HS3ST4: variants seen among roughly 807,000 people sequenced by gnomAD.
HS3ST4 encodes the protein heparan sulfate glucosamine 3-O-sulfotransferase 4.
In HS3ST4, 17 loss-of-function variants were observed where a neutral mutation model predicts 29.2. That is an observed-to-expected ratio of 0.58 (90% confidence interval 0.40 to 0.87). HS3ST4 has a LOEUF of 0.87. Ranked by LOEUF, HS3ST4 falls within the 40% of genes least tolerant of loss-of-function variation. HS3ST4 has a pLI of 0.00. For synonymous variants in HS3ST4, 314 were observed against 285.7 expected (o/e 1.10, Z -1.00); for missense variants, 627 against 634.5 (o/e 0.99, Z 0.13).
chr16:25,950,210 C>CCAT (rs2141696678), intron 1 of HS3ST4, among the ~76,000 whole-genome samples: 1 of 152,172 alleles, frequency 6.6e-6, no homozygotes, highest in East Asian at 1.9e-4. Flanking sequence ...GTTAGATGAC[C>CCAT]CATCTGCTCA....
chr16:25,845,461 A>T (rs1967455704), intron 1 of HS3ST4, among the ~76,000 whole-genome samples: 2 of 152,158 alleles, frequency 1.3e-5, no homozygotes, highest in Admixed American at 1.3e-4. Context: ...GTGAGCTGAG[A>T]TCGTGCCACT....
At position 25,692,508 on chromosome 16, in the gene HS3ST4, C is replaced by T; in HGVS notation, c.91C>T (p.Pro31Ser). 7.0e-7 allele frequency: 1 copy of T among 1,419,346 alleles called. No homozygotes were observed. Among genetic ancestry groups the T allele is most frequent in the Admixed American group, 2.4e-5 (1 of 41,796 alleles). 87.9% of individuals were successfully genotyped at this position (1,419,346 alleles called of 1,614,324 possible). A position where few individuals can be genotyped will look rare whatever the true frequency, so the allele number is the denominator to read the frequency against. The change falls in exon 1 of 2, where the codon CCG becomes TCG. Residue 31 changes from proline (P) to serine (S), a missense_variant. By Grantham distance (74) the Pro-to-Ser change is moderately conservative (BLOSUM62 -1). Coordinates refer to ENST00000331351, the MANE Select transcript of HS3ST4 (RefSeq NM_006040.3). ...PPPGASAKGPPARKLLFMCTL... is the reference protein window; with the variant it reads ...PPPGASAKGPSARKLLFMCTL... ...GCCCGGCGCCTCTGCTAAGGGGCCG[C>T]CGGCGCGCAAGCTGCTTTTTATGTG...
chr16:25,740,837 CCTAATTA>C (rs1272578597), intron 1 of HS3ST4, among the ~76,000 whole-genome samples: 1 of 152,066 alleles, frequency 6.6e-6, no homozygotes, highest in Admixed American at 6.6e-5. Context: ...AACTCACATT[CCTAATTA>C]CTAAGTGGAT....
chr16:25,947,037 A>AATGG (rs1968633146), intron 1 of HS3ST4, among the ~76,000 whole-genome samples: 1 of 152,178 alleles, frequency 6.6e-6, no homozygotes, highest in Non-Finnish European at 1.5e-5. Flanking sequence ...TCCTAAAAAC[A>AATGG]ATGGAATACA....
intron 1 of HS3ST4, among the ~76,000 whole-genome samples, chr16:25,938,291 C>T (rs1968537313): frequency 6.6e-6 from 1 of 152,140 alleles, no homozygotes; most frequent in Non-Finnish European, 1.5e-5. Context: ...AGTTGGAGGA[C>T]CTCAGGCCAT....
intron 1 of HS3ST4, among the ~76,000 whole-genome samples, chr16:26,083,240 T>C (rs1898744926): frequency 6.6e-6 from 1 of 152,228 alleles, no homozygotes; most frequent in African/African-American, 2.4e-5. Flanking sequence ...TGCCTATTAT[T>C]TCTATCACTT....
intron 1 of HS3ST4, among the ~76,000 whole-genome samples, chr16:26,120,709 C>T (rs1010260141): frequency 2.0e-5 from 3 of 152,198 alleles, no homozygotes; most frequent in Non-Finnish European, 4.4e-5. Flanking sequence ...TGATTGACCC[C>T]AGCAACGCTT....
At chr16:25,801,280 T>C (rs1194531888) in intron 1 of HS3ST4, among the ~76,000 whole-genome samples, 2 of 152,184 alleles carry the variant, frequency 1.3e-5, no homozygotes, top group African/African-American at 2.4e-5. Context: ...TGCAACATAG[T>C]GCATGACATT....
rs574185814 is a variant in HS3ST4 at position 25,771,378 on chromosome 16, C to G, written c.734+78227C>G. On this transcript the variant is annotated intron_variant, in intron 1 of 1. Coordinates refer to ENST00000331351, the MANE Select transcript of HS3ST4 (RefSeq NM_006040.3). The stretch of plus-strand genomic sequence containing the variant: ...GTTGCAAGTTCATTTTCTGCTGTTC[C>G]CCATCCAGTGCTCTGTCTGCCCCAG... Among the ~76,000 whole-genome samples the G allele has an allele frequency of 2.6e-5, 4 of 152,190 alleles. No homozygotes were observed. In the East Asian group the frequency reaches 7.7e-4, roughly 29 times the overall value.
At chr16:25,829,739 A>G (rs1393864889) in intron 1 of HS3ST4, among the ~76,000 whole-genome samples, 2 of 144,834 alleles carry the variant, frequency 1.4e-5, no homozygotes, top group African/African-American at 5.2e-5. Flanking sequence ...TGTCCCTGCA[A>G]AGGACATGAG....
At chr16:25,881,054 G>T (rs1473909418) in intron 1 of HS3ST4, among the ~76,000 whole-genome samples, 1 of 152,188 alleles carries the variant, frequency 6.6e-6, no homozygotes, top group Admixed American at 6.5e-5. Flanking sequence ...ATGAGCAGGA[G>T]TAAAACAATG....
chr16:25,723,852 G>A (rs1003539056), intron 1 of HS3ST4, among the ~76,000 whole-genome samples: 3 of 152,036 alleles, frequency 2.0e-5, no homozygotes, highest in East Asian at 1.9e-4. Flanking sequence ...AGTGGCTCAC[G>A]CCTGTAATCC....
At chr16:26,098,873 G>C (rs1268057192) in intron 1 of HS3ST4, among the ~76,000 whole-genome samples, 1 of 152,046 alleles carries the variant, frequency 6.6e-6, no homozygotes, top group Admixed American at 6.6e-5. Context: ...CCTAACTATT[G>C]AGAATGAGCC....
At chr16:25,831,785 G>C (rs1038549257) in intron 1 of HS3ST4, among the ~76,000 whole-genome samples, 10 of 152,076 alleles carry the variant, frequency 6.6e-5, no homozygotes, top group African/African-American at 1.9e-4. Context: ...CATGAGTGAA[G>C]ATTTGGTTAG....
intron 1 of HS3ST4, among the ~76,000 whole-genome samples, chr16:25,730,340 T>C (rs183156082): frequency 8.5e-5 from 13 of 152,144 alleles, no homozygotes; most frequent in Admixed American, 5.9e-4. Flanking sequence ...ATTTCCTTCC[T>C]TCCTTCCTTC....
chr16:25,906,963 G>A (rs1478899900), intron 1 of HS3ST4, among the ~76,000 whole-genome samples: 1 of 152,140 alleles, frequency 6.6e-6, no homozygotes, highest in African/African-American at 2.4e-5. Context: ...GAGAAGCCTA[G>A]GCAGGAGAAT....
At chr16:25,831,076 T>G (rs973702353) in intron 1 of HS3ST4, among the ~76,000 whole-genome samples, 4 of 152,216 alleles carry the variant, frequency 2.6e-5, no homozygotes, top group Non-Finnish European at 5.9e-5. Flanking sequence ...TTGCCTCTGC[T>G]GTGGCTTGAA....
intron 1 of HS3ST4, among the ~76,000 whole-genome samples, chr16:25,711,700 G>C (rs1456294539): frequency 6.6e-6 from 1 of 152,172 alleles, no homozygotes; most frequent in Non-Finnish European, 1.5e-5. Flanking sequence ...ATGAAGCTCT[G>C]TGACACAAAC....
intron 1 of HS3ST4, among the ~76,000 whole-genome samples, chr16:25,946,115 T>G (rs1280096019): frequency 6.6e-6 from 1 of 152,188 alleles, no homozygotes; most frequent in Non-Finnish European, 1.5e-5. Flanking sequence ...GAAACTCATT[T>G]CTTGTGCATC....
Sources: allele counts gnomAD v4.1 joint callset (sites outside exome capture counted in the v4.1 genomes callset), GRCh38; gene constraint gnomAD v4.1.1; transcripts MANE v1.5; gene names NCBI Gene and HGNC (gene_info 2026-07-23, HGNC 2026-07-21).